CSMD2: variants seen among roughly 807,000 people sequenced by gnomAD.
CSMD2 encodes the protein CUB and sushi domain-containing protein 2.
Under a neutral mutation model 398.5 loss-of-function variants are expected in CSMD2, and 130 were observed. The observed-to-expected ratio is 0.33, with a 90% confidence interval of 0.28 to 0.38. CSMD2 has a LOEUF of 0.38. CSMD2 is among the 10% of genes least tolerant of loss of function. The pLI, the probability that CSMD2 is intolerant of heterozygous loss-of-function variation, is 1.00. For synonymous variants in CSMD2, 1,828 were observed against 1,908.5 expected (o/e 0.96, Z 1.10); for missense variants, 3,829 against 4,764.9 (o/e 0.80, Z 5.78).
At chr1:33,691,536 A>G (rs1229769508) in intron 25 of CSMD2, among the ~76,000 whole-genome samples, 1 of 152,202 alleles carries the variant, frequency 6.6e-6, no homozygotes, top group African/African-American at 2.4e-5. Context: ...GCAGCAAAAC[A>G]CCCATTCAGC....
chr1:34,126,921 G>A (rs536229902), intron 1 of CSMD2, among the ~76,000 whole-genome samples: 153 of 151,990 alleles, frequency 1.0e-3, no homozygotes, highest in Non-Finnish European at 1.7e-3. Context: ...GAAAATCAGG[G>A]ACTCAAAGAA....
intron 3 of CSMD2, among the ~76,000 whole-genome samples, chr1:33,998,741 T>C (rs1646805651): frequency 6.6e-6 from 1 of 152,206 alleles, no homozygotes; most frequent in Non-Finnish European, 1.5e-5. Context: ...GGCCCCTGGT[T>C]AAAATATGAT....
chr1:33,996,787 G>A lies in CSMD2; in HGVS notation c.517+35807C>T, dbSNP rs188720525. Among the ~76,000 whole-genome samples the A allele has an allele frequency of 1.7e-4, 26 of 152,076 alleles. No individual in the cohort carries two copies. In the East Asian group the frequency reaches 3.7e-3, roughly 22 times the overall value. ...GGAGGAAAGGAAGGAGAAAAGGGCG[G>A]GAGGAAGAGGAAGGGGAGGGAGGGA... On this transcript the variant is annotated intron_variant, in intron 3 of 70. Transcript: ENST00000373381.
intron 20 of CSMD2, among the ~76,000 whole-genome samples, chr1:33,715,741 C>T (rs556840746): frequency 1.3e-5 from 2 of 152,172 alleles, no homozygotes; most frequent in East Asian, 3.9e-4. Flanking sequence ...GTGAAGGGCT[C>T]GGTATGAGAG....
chr1:34,073,496 C>T lies in CSMD2; in HGVS notation c.404+15481G>A, dbSNP rs374985000. Among the ~76,000 whole-genome samples the T allele has an allele frequency of 3.9e-5, 6 of 152,262 alleles. No individual in the cohort carries two copies. In the South Asian group the frequency reaches 1.0e-3, roughly 26 times the overall value. ...TGGACACACACCAAACTGTTAACAG[C>T]GGTTACCTCTAGGGAGTGAGGCTGG... On this transcript the variant is annotated intron_variant, in intron 2 of 70. Transcript: ENST00000373381.
chr1:33,707,626 G>A (rs1400438290), intron 22 of CSMD2, among the ~76,000 whole-genome samples: 1 of 150,986 alleles, frequency 6.6e-6, no homozygotes, highest in East Asian at 1.9e-4. Flanking sequence ...AATCTTCTTG[G>A]GTTCAAAAAG....
chr1:33,884,752 G>T (rs955254558), intron 5 of CSMD2: 3 of 152,130 alleles, frequency 2.0e-5, no homozygotes, highest in Admixed American at 1.3e-4. Flanking sequence ...AATAAAATAC[G>T]AATCATCTGG....
intron 3 of CSMD2, among the ~76,000 whole-genome samples, chr1:34,016,205 G>A (rs1648090245): frequency 6.6e-6 from 1 of 152,050 alleles, no homozygotes; most frequent in African/African-American, 2.4e-5. Flanking sequence ...TGTTACACAG[G>A]TATACATGTG....
chr1:33,962,948 CTTG>C (rs1340783613), intron 3 of CSMD2, among the ~76,000 whole-genome samples: 1 of 152,212 alleles, frequency 6.6e-6, no homozygotes, highest in African/African-American at 2.4e-5. Context: ...TTCCTTCATT[CTTG>C]TCCTTAGGGC....
intron 3 of CSMD2, among the ~76,000 whole-genome samples, chr1:33,963,065 A>G (rs1380880983): frequency 6.6e-6 from 1 of 152,230 alleles, no homozygotes; most frequent in African/African-American, 2.4e-5. Flanking sequence ...CTGAGAGTGC[A>G]GATCTTGCTG....
At position 33,640,411 on chromosome 1, in the gene CSMD2, T is replaced by C. The variant is rs368221573; in HGVS notation, c.4775-3857A>G. On this transcript the variant is annotated intron_variant, in intron 29 of 70. Coordinates refer to ENST00000373381, the MANE Select transcript of CSMD2 (RefSeq NM_001281956.2). ...TACATATGGTGCAATCTCATTCATA[T>C]AGAACAGGGATCAGCAAACTACAGC... Among the ~76,000 whole-genome samples, 23 of 152,298 alleles carry C rather than the reference T, an allele frequency of 1.5e-4. No individual in the cohort carries two copies. The East Asian group carries it at 2.7e-3, about 18-fold the overall frequency.
intron 3 of CSMD2, among the ~76,000 whole-genome samples, chr1:33,982,555 C>T (rs772734785): frequency 6.6e-6 from 1 of 152,176 alleles, no homozygotes; most frequent in Non-Finnish European, 1.5e-5. Flanking sequence ...AGGCACTGTA[C>T]GTCCCCAGAC....
chr1:33,808,029 C>T (rs1465343985), intron 10 of CSMD2, among the ~76,000 whole-genome samples: 2 of 152,066 alleles, frequency 1.3e-5, no homozygotes, highest in Non-Finnish European at 2.9e-5. Context: ...AAGAGAGTTA[C>T]TACATAATTA....
chr1:33,676,006 T>G (rs1255573629), intron 25 of CSMD2, among the ~76,000 whole-genome samples: 3 of 152,226 alleles, frequency 2.0e-5, no homozygotes, highest in Admixed American at 2.0e-4. Context: ...AATGTCATAC[T>G]GAATGGATAA....
In CSMD2 at chr1:33,663,049, GC is replaced by G; in HGVS notation, c.4095del (p.Leu1366CysfsTer14). The G allele has an allele frequency of 6.2e-7, 1 of 1,614,142 alleles. No homozygotes were observed. The highest frequency in any genetic ancestry group is 1.1e-5 in the South Asian group (1 of 91,086). ...LVFDTEEVHD[V>X]LRIWDGPVES... ...TCCACAGGCCCATCCCAGATGCGCA[GC>G]ACGTCGTGAACCTCCTCTGTGTCAA... On this transcript the variant is annotated frameshift_variant, in exon 26 of 71. Coordinates refer to ENST00000373381, the MANE Select transcript of CSMD2 (RefSeq NM_001281956.2). LOFTEE classifies it high-confidence loss of function.
intron 4 of CSMD2, among the ~76,000 whole-genome samples, chr1:33,935,467 A>G (rs975208410): frequency 1.3e-5 from 2 of 152,150 alleles, no homozygotes; most frequent in African/African-American, 4.8e-5. Flanking sequence ...AAGAGAAATG[A>G]TGTTTCTTCT....
intron 32 of CSMD2, among the ~76,000 whole-genome samples, chr1:33,629,442 G>C (rs1557647261): frequency 6.6e-6 from 1 of 152,122 alleles, no homozygotes; most frequent in Non-Finnish European, 1.5e-5. Context: ...GAAAGACTTG[G>C]AGAAAATGAG....
chr1:34,133,574 T>C (rs1571223310), intron 1 of CSMD2, among the ~76,000 whole-genome samples: 1 of 151,638 alleles, frequency 6.6e-6, no homozygotes, highest in African/African-American at 2.4e-5. Flanking sequence ...GAGGTTGCAG[T>C]GAGCCAATAT....
At chr1:33,857,746 C>G (rs12139460) in intron 5 of CSMD2, among the ~76,000 whole-genome samples, 15,392 of 152,180 alleles carry the variant, frequency 0.1, 1,079 homozygotes, top group South Asian at 0.28. Flanking sequence ...TCCACTAGAA[C>G]CCCATGACTA....
Sources: allele counts gnomAD v4.1 joint callset (sites outside exome capture counted in the v4.1 genomes callset), GRCh38; gene constraint gnomAD v4.1.1; transcripts MANE v1.5; gene names NCBI Gene and HGNC (gene_info 2026-07-23, HGNC 2026-07-21).